Variants in KSR2 observed in about 807,000 individuals in gnomAD.
KSR2 encodes the protein kinase suppressor of ras 2.
A neutral mutation model predicts 107.8 loss-of-function variants in KSR2; 25 were observed. That is an observed-to-expected ratio of 0.23 (90% CI 0.17 to 0.32). The LOEUF is 0.32. Among genes scored for constraint, KSR2 ranks in the 10% least tolerant of loss-of-function variants. KSR2 has a pLI of 1.00. For missense variants in KSR2, 887 were observed against 1,268.9 expected (o/e 0.70, Z 4.57); for synonymous variants, 480 against 507.0 (o/e 0.95, Z 0.71).
At chr12:117,581,273 G>A (rs150142072) in intron 6 of KSR2, among the ~76,000 whole-genome samples, 6 of 152,084 alleles carry the variant, frequency 3.9e-5, no homozygotes, top group South Asian at 4.1e-4. Context: ...TTGTCACCCC[G>A]ATCTCTCCAT....
At chr12:117,924,572 C>CAAAAAAAAAAAAAAAAA (rs58789868) in intron 1 of KSR2, among the ~76,000 whole-genome samples, 28 of 39,480 alleles carry the variant, frequency 7.1e-4, no homozygotes, top group Admixed American at 1.2e-3. Context: ...AGCTCCATCT[C>CAAAAAAAAAAAAAAAAA]AAAAAAAAAA....
chr12:117,593,875 A>T (rs1327243268), intron 5 of KSR2, among the ~76,000 whole-genome samples: 1 of 152,254 alleles, frequency 6.6e-6, no homozygotes, highest in Non-Finnish European at 1.5e-5. Flanking sequence ...ATGACTGTAG[A>T]GAGAAGCTGC....
intron 14 of KSR2, among the ~76,000 whole-genome samples, chr12:117,509,134 A>G (rs940458444): frequency 2.0e-5 from 3 of 152,164 alleles, no homozygotes; most frequent in African/African-American, 4.8e-5. Flanking sequence ...AAGGAGGTAC[A>G]TGGTCCAGCT....
rs1462327769 is a variant in KSR2, at chr12:117,454,536, T to A, written c.*12663A>T. ...AGGACTGATACATTCTTTCCCACAC[T>A]TCAGGCTGTATTGCAGGCTTGGCCT... On this transcript the variant is annotated 3_prime_UTR_variant, in exon 20 of 20. Transcript: ENST00000339824. 1 of 152,254 alleles carries A rather than the reference T, an allele frequency of 6.6e-6. No individual in the cohort carries two copies. Among genetic ancestry groups the A allele is most frequent in the African/African-American group, 2.4e-5 (1 of 41,456 alleles). 9.4% of individuals were successfully genotyped at this position (152,254 alleles called of 1,614,324 possible).
At chr12:117,478,263 T>C (rs1319526137) in intron 16 of KSR2, among the ~76,000 whole-genome samples, 2 of 152,280 alleles carry the variant, frequency 1.3e-5, no homozygotes, top group East Asian at 3.9e-4. Flanking sequence ...ATAATCATGA[T>C]TTTTGCCATA....
intron 5 of KSR2, among the ~76,000 whole-genome samples, chr12:117,638,516 GAA>G (rs34243226): frequency 2.1e-5 from 3 of 142,822 alleles, no homozygotes; most frequent in African/African-American, 7.6e-5. Flanking sequence ...AATATTCAGG[GAA>G]AAAAAAAAAA....
chr12:117,912,696 A>G (rs1895053983), intron 1 of KSR2, among the ~76,000 whole-genome samples: 1 of 152,228 alleles, frequency 6.6e-6, no homozygotes, highest in African/African-American at 2.4e-5. Context: ...ACTTTGTAAC[A>G]CTTTTACATC....
At chr12:117,562,126 C>T (rs1016729254) in intron 7 of KSR2, among the ~76,000 whole-genome samples, 13 of 152,020 alleles carry the variant, frequency 8.6e-5, no homozygotes, top group African/African-American at 1.5e-4. Context: ...TAGGGGAAGC[C>T]GAGTTCCAGC....
At chr12:117,920,078 G>A (rs1034773815) in intron 1 of KSR2, among the ~76,000 whole-genome samples, 5 of 152,124 alleles carry the variant, frequency 3.3e-5, no homozygotes, top group African/African-American at 1.2e-4. Context: ...GGCTGGGCAT[G>A]GTGGCTCACG....
chr12:117,965,216 G>T (rs1896753251), intron 1 of KSR2, among the ~76,000 whole-genome samples: 1 of 152,196 alleles, frequency 6.6e-6, no homozygotes, highest in African/African-American at 2.4e-5. Context: ...CGCTGAAGCT[G>T]CAGGAACCAT....
At chr12:117,568,658 T>C (rs1661260838) in intron 7 of KSR2, among the ~76,000 whole-genome samples, 1 of 152,120 alleles carries the variant, frequency 6.6e-6, no homozygotes, top group Non-Finnish European at 1.5e-5. Context: ...AATGAGATCA[T>C]GCATGTAAAG....
intron 1 of KSR2, among the ~76,000 whole-genome samples, chr12:117,941,489 A>C (rs770774918): frequency 9.2e-5 from 14 of 152,142 alleles, no homozygotes; most frequent in Non-Finnish European, 1.3e-4. Context: ...CTCTTAGCTC[A>C]TCATGATCAG....
At chr12:117,728,981 C>G (rs908756540) in intron 4 of KSR2, among the ~76,000 whole-genome samples, 1 of 152,220 alleles carries the variant, frequency 6.6e-6, no homozygotes, top group Non-Finnish European at 1.5e-5. Context: ...GAGATACACG[C>G]ATGTAAGGAA....
intron 5 of KSR2, among the ~76,000 whole-genome samples, chr12:117,584,585 G>A (rs566558018): frequency 1.6e-4 from 25 of 152,276 alleles, no homozygotes; most frequent in African/African-American, 5.5e-4. Flanking sequence ...TCTGCCACGG[G>A]TGAAGAATAA....
chr12:117,711,278 C>T (rs890261919), intron 4 of KSR2, among the ~76,000 whole-genome samples: 3 of 152,198 alleles, frequency 2.0e-5, no homozygotes, highest in Admixed American at 6.5e-5. Flanking sequence ...TCAGGATGGG[C>T]TCTCTGAGTG....
intron 4 of KSR2, among the ~76,000 whole-genome samples, chr12:117,695,605 G>T (rs1038172493): frequency 6.6e-6 from 1 of 151,862 alleles, no homozygotes; most frequent in African/African-American, 2.4e-5. Context: ...CAGCTACTTG[G>T]GGGGCTGAGG....
intron 1 of KSR2, among the ~76,000 whole-genome samples, chr12:117,900,134 T>C (rs1433291459): frequency 6.6e-6 from 1 of 152,214 alleles, no homozygotes; most frequent in Non-Finnish European, 1.5e-5. Flanking sequence ...AGATAATAAA[T>C]GTGTGTTGTT....
At chr12:117,508,811 G>A (rs1873857615) in intron 14 of KSR2, among the ~76,000 whole-genome samples, 1 of 151,256 alleles carries the variant, frequency 6.6e-6, no homozygotes, top group Non-Finnish European at 1.5e-5. Flanking sequence ...TAGTGGGTAG[G>A]TGAATGGGTA....
At chr12:117,776,305 T>C (rs747688712) in intron 3 of KSR2, among the ~76,000 whole-genome samples, 54 of 152,254 alleles carry the variant, frequency 3.5e-4, no homozygotes, top group Middle Eastern at 6.8e-3. Flanking sequence ...TCATTGGACA[T>C]TTTAAACTAA....
Sources: allele counts gnomAD v4.1 joint callset (sites outside exome capture counted in the v4.1 genomes callset), GRCh38; gene constraint gnomAD v4.1.1; transcripts MANE v1.5; gene names NCBI Gene and HGNC (gene_info 2026-07-23, HGNC 2026-07-21).